Variants in UNC80 observed in about 807,000 individuals in gnomAD.
UNC80 encodes protein unc-80 homolog.
UNC80 carries 164 observed loss-of-function variants against 384.6 expected under a neutral mutation model. The observed-to-expected ratio is 0.43, with a 90% CI of 0.38 to 0.49. The LOEUF is 0.49. Ranked by LOEUF, UNC80 falls within the 20% of genes least tolerant of loss-of-function variation. UNC80 has a pLI of 0.00. For missense variants in UNC80, 3,330 were observed against 4,143.0 expected (o/e 0.80, Z 5.39); for synonymous variants, 1,486 against 1,527.8 (o/e 0.97, Z 0.64).
At chr2:209,964,158 C>G (rs1291255834) in intron 51 of UNC80, among the ~76,000 whole-genome samples, 1 of 152,178 alleles carries the variant, frequency 6.6e-6, no homozygotes, top group Non-Finnish European at 1.5e-5. Context: ...CACAATTTCT[C>G]TTTATTACAA....
intron 58 of UNC80, among the ~76,000 whole-genome samples, chr2:209,977,314 T>G (rs912473597): frequency 2.6e-5 from 4 of 152,272 alleles, no homozygotes; most frequent in Admixed American, 2.6e-4. Context: ...AATTTAGTTT[T>G]CCTTTTCTAT....
rs1559092944 is a variant in UNC80, at chr2:209,789,566, G to T, written c.759G>T (p.Arg253=). The T allele has an allele frequency of 6.2e-7, 1 of 1,613,576 alleles. No homozygotes were observed. Among genetic ancestry groups the T allele is most frequent in the African/African-American group, 1.3e-5 (1 of 75,026 alleles). Residue 253 remains arginine (R), a synonymous_variant, in exon 6 of 65, where the codon CGG becomes CGT. Coordinates refer to ENST00000673920, the MANE Select transcript of UNC80 (RefSeq NM_001371986.1). ...GTTCTCCTATCAACAGTCAAAGCCG[G>T]ACCTGTGAATCACCAAATCAAGATG... ...KRSSPINSQS[R]TCESPNQDAR...
chr2:209,870,539 C>G (rs2084205176), intron 22 of UNC80, among the ~76,000 whole-genome samples: 1 of 152,080 alleles, frequency 6.6e-6, no homozygotes, highest in African/African-American at 2.4e-5. Flanking sequence ...GAGATAGATT[C>G]TCATCATTAG....
intron 47 of UNC80, among the ~76,000 whole-genome samples, chr2:209,952,946 T>C (rs2092253110): frequency 6.6e-6 from 1 of 152,158 alleles, no homozygotes; most frequent in Admixed American, 6.5e-5. Context: ...TAGGCAAAAT[T>C]ATATTACCAA....
intron 39 of UNC80, among the ~76,000 whole-genome samples, chr2:209,934,354 T>C (rs1281417103): frequency 6.6e-6 from 1 of 152,176 alleles, no homozygotes; most frequent in Non-Finnish European, 1.5e-5. Context: ...ATTGTTTGTA[T>C]GGCATGGACT....
chr2:209,794,836 G>A (rs769442249), intron 7 of UNC80: 1 of 453,276 alleles, frequency 2.2e-6, no homozygotes, highest in South Asian at 1.6e-5. Flanking sequence ...GGCCTTCTCA[G>A]CCATGTGGAA....
intron 22 of UNC80, among the ~76,000 whole-genome samples, chr2:209,863,122 G>A (rs550718052): frequency 3.4e-4 from 52 of 152,218 alleles, no homozygotes; most frequent in Non-Finnish European, 5.7e-4. Flanking sequence ...TGAAATTCTG[G>A]GTTGAAAATT....
At position 209,939,453 on chromosome 2, in the gene UNC80, C is replaced by T. The variant is rs1029300041; in HGVS notation, c.6466-19C>T. The T allele has an allele frequency of 2.1e-5, 32 of 1,534,368 alleles. No homozygotes were observed. The highest frequency in any genetic ancestry group is 8.1e-5 in the Admixed American group (4 of 49,272). ...TTCTAATACTCCTTTTTGTCTGCTC[C>T]TGCTTTTGTTTTCTCCAGGTGTTCA... On this transcript the variant is annotated intron_variant, in intron 42 of 64. Coordinates refer to ENST00000673920, the MANE Select transcript of UNC80 (RefSeq NM_001371986.1).
At chr2:209,874,765 G>A (rs1318944927) in intron 23 of UNC80, among the ~76,000 whole-genome samples, 1 of 152,106 alleles carries the variant, frequency 6.6e-6, no homozygotes, top group Admixed American at 6.5e-5. Context: ...CCTAACCATA[G>A]CAGTTTTCAG....
Position 209,959,696 on chromosome 2 carries a change from G to T in UNC80, c.7794G>T (p.Lys2598Asn). ...TTGCCTTGGAACTGCTGGATGTGAA[G>T]TCTCACATGAGGTACTGGCCTCGCT... Reference protein sequence around the residue: ...RVIALELLDVKSHMRLAEIAH... With the variant: ...RVIALELLDVNSHMRLAEIAH... The change falls in exon 51 of 65, where the codon AAG becomes AAT. Residue 2598 changes from lysine to asparagine, a missense_variant. By Grantham distance (94) the Lys-to-Asn change is moderately conservative (BLOSUM62 0). This residue lies in a region of UNC80 where 1,049 missense variants were observed against 1,488.6 expected (regional missense o/e 0.70). Coordinates refer to ENST00000673920, the MANE Select transcript of UNC80 (RefSeq NM_001371986.1). 1 of 1,551,402 alleles carries T rather than the reference G, an allele frequency of 6.4e-7. No individual in the cohort carries two copies. Among genetic ancestry groups the T allele is most frequent in the Non-Finnish European group, 8.7e-7 (1 of 1,146,962 alleles).
At chr2:209,818,215 C>T (rs1334441467) in intron 11 of UNC80, among the ~76,000 whole-genome samples, 1 of 152,132 alleles carries the variant, frequency 6.6e-6, no homozygotes, top group African/African-American at 2.4e-5. Context: ...CATAGACCCA[C>T]AGGGCTGAAA....
chr2:209,926,777 A>C, intron 35 of UNC80, 66 bp from the exon 36 acceptor site: 4 of 1,533,284 alleles, frequency 2.6e-6, no homozygotes, highest in Non-Finnish European at 3.5e-6. Context: ...CCCTATCTCA[A>C]AACAACAGTA....
rs1415532695 is a variant in UNC80, at chr2:209,855,155, T to C, written c.3627+5532T>C. On this transcript the variant is annotated intron_variant, in intron 22 of 64. Transcript: ENST00000673920. ...ATCATGTCTTTTGCAGGGACTTGAA[T>C]AGGGCTGGAAGCCATTATCCTCAGC... Among the ~76,000 whole-genome samples the C allele has an allele frequency of 2.0e-5, 3 of 152,214 alleles. No individual in the cohort carries two copies. In the East Asian group the frequency reaches 5.8e-4, roughly 29 times the overall value.
chr2:209,871,294 A>G (rs1038956431), intron 22 of UNC80, among the ~76,000 whole-genome samples: 10 of 152,198 alleles, frequency 6.6e-5, no homozygotes, highest in African/African-American at 2.4e-4. Flanking sequence ...ACCAGCATCA[A>G]TGAGACCTGG....
In UNC80 at chr2:209,777,359, G is replaced by A. The variant is rs764575721; in HGVS notation, c.400G>A (p.Gly134Ser). ...GGACTGCAACAATGAGCGGTTTGGG[G>A]GTACAGACCGAGGCTCCAGCTGGGG... ...PQDCNNERFG[G>S]TDRGSSWGGS... Residue 134 changes from glycine to serine, a missense_variant, in exon 4 of 65, where the codon GGT (glycine) becomes AGT (serine). Physicochemically the swap from Gly to Ser is moderately conservative, Grantham distance 56. Around this residue, in one of 8 missense-constraint regions of UNC80, gnomAD observed 937 missense variants for 1,026.8 expected, o/e 0.91. Coordinates refer to ENST00000673920, the MANE Select transcript of UNC80 (RefSeq NM_001371986.1). 51 of 1,614,060 alleles carry A rather than the reference G, an allele frequency of 3.2e-5. No individual in the cohort carries two copies. In the South Asian group the frequency reaches 3.4e-4, roughly 11 times the overall value.
chr2:209,993,199 C>T, intron 62 of UNC80, 116 bp from the exon 63 acceptor site: 1 of 706,460 alleles, frequency 1.4e-6, no homozygotes, highest in Non-Finnish European at 2.2e-6. Context: ...ATAAATTTAT[C>T]AGCTATAAAT....
At chr2:209,805,651 A>AAAAC (rs2078846138) in intron 7 of UNC80, among the ~76,000 whole-genome samples, 1 of 152,238 alleles carries the variant, frequency 6.6e-6, no homozygotes, top group African/African-American at 2.4e-5. Context: ...TGGTTTCCCC[A>AAAAC]AAACAAATTA....
intron 20 of UNC80, among the ~76,000 whole-genome samples, 164 bp downstream of exon 20, chr2:209,840,812 G>A (rs556913925): frequency 2.0e-5 from 3 of 152,302 alleles, no homozygotes; most frequent in Non-Finnish European, 4.4e-5. Context: ...AAACTAAATT[G>A]TTTAAGTAGT....
intron 7 of UNC80, among the ~76,000 whole-genome samples, chr2:209,803,837 A>T (rs1019227115): frequency 2.6e-5 from 4 of 152,128 alleles, no homozygotes; most frequent in Non-Finnish European, 5.9e-5. Flanking sequence ...GGCTTAAGCA[A>T]TTCTTCTGCC....
Sources: allele counts gnomAD v4.1 joint callset (sites outside exome capture counted in the v4.1 genomes callset), GRCh38; gene constraint gnomAD v4.1.1; regional missense constraint gnomAD v4.1.1; transcripts MANE v1.5; gene names NCBI Gene and HGNC (gene_info 2026-07-23, HGNC 2026-07-21).